The following STK32A variants were observed in gnomAD, a reference collection of about 807,000 sequenced individuals.
STK32A encodes the protein serine/threonine kinase 32A, also known as serine/threonine-protein kinase 32A.
Under a neutral mutation model 53.2 loss-of-function variants are expected in STK32A, and 41 were observed. That is an observed-to-expected ratio of 0.77 (90% CI 0.60 to 1.00). The LOEUF (loss-of-function observed/expected upper bound fraction) is 1.00, where lower values mean the gene tolerates loss of function less well. STK32A is among the 50% of genes least tolerant of loss of function. The pLI is 0.00. For missense variants in STK32A, 458 were observed against 485.8 expected, an observed-to-expected ratio of 0.94 and a Z score of 0.54; for synonymous variants, 166 against 162.8, an observed-to-expected ratio of 1.02 and a Z score of -0.15.
chr5:147,400,549 C>T, the STK32A span: 3 of 1,139,378 alleles, frequency 2.6e-6, no homozygotes, highest in South Asian at 1.8e-5. Flanking sequence ...ACTGCCAGAG[C>T]CACATGGTTC....
chr5:147,395,278 C>T, the STK32A span, among the ~76,000 whole-genome samples: 1 of 152,200 alleles, frequency 6.6e-6, no homozygotes, highest in African/African-American at 2.4e-5. Flanking sequence ...AGGGGACCAG[C>T]TCCCCGACCC....
chr5:147,318,495 T>C (rs1436987405), intron 4 of STK32A, among the ~76,000 whole-genome samples: 1 of 151,910 alleles, frequency 6.6e-6, no homozygotes, highest in Non-Finnish European at 1.5e-5. Context: ...AAGGGTGTGG[T>C]GGCTCTTGTC....
chr5:147,247,505 A>C (rs971118504), intron 2 of STK32A, among the ~76,000 whole-genome samples: 4 of 152,234 alleles, frequency 2.6e-5, no homozygotes, highest in African/African-American at 9.6e-5. Context: ...TATTTATAGT[A>C]AAATAAACAA....
At chr5:147,281,604 T>C (rs576042257) in intron 4 of STK32A, among the ~76,000 whole-genome samples, 1 of 151,636 alleles carries the variant, frequency 6.6e-6, no homozygotes, top group Admixed American at 6.6e-5. Flanking sequence ...AGAAGTCTGA[T>C]ATTATGTTAA....
rs115697244 is a variant in STK32A, at chr5:147,363,703, T to G, written c.660+2089T>G. On this transcript the variant is annotated intron_variant, in intron 8 of 12. Coordinates refer to ENST00000397936, the MANE Select transcript of STK32A (RefSeq NM_001112724.2). ...GCATCTGCTAGTATAATCCCATCTT[T>G]ATTTCTAGCTTCTGTTGTGATAACT... 3.2e-3 allele frequency among the ~76,000 whole-genome samples: 492 copies of G among 152,342 alleles called. 3 individuals carry two copies. Among genetic ancestry groups the G allele is most frequent in the Non-Finnish European group, 6.0e-3 (409 of 68,028 alleles).
intron 2 of STK32A, among the ~76,000 whole-genome samples, chr5:147,242,236 G>T (rs182787795): frequency 1.5e-3 from 221 of 152,232 alleles, no homozygotes; most frequent in South Asian, 2.7e-3. Context: ...TCCCAAAGGT[G>T]CTAGGCTCTC....
chr5:147,337,627 A>G (rs1350766048), intron 5 of STK32A, among the ~76,000 whole-genome samples: 1 of 152,018 alleles, frequency 6.6e-6, no homozygotes, highest in African/African-American at 2.4e-5. Context: ...ATTCTTGGGT[A>G]CTTTTATGAG....
chr5:147,372,149 G>A (rs1757027917), intron 9 of STK32A, among the ~76,000 whole-genome samples: 1 of 151,358 alleles, frequency 6.6e-6, no homozygotes, highest in South Asian at 2.1e-4. Flanking sequence ...GCTTTCATCA[G>A]ATTTTCAAGG....
chr5:147,336,734 T>C (rs1456993909), intron 5 of STK32A, among the ~76,000 whole-genome samples: 1 of 152,174 alleles, frequency 6.6e-6, no homozygotes, highest in Non-Finnish European at 1.5e-5. Context: ...TTTTTCCTTA[T>C]AATTTTCCCT....
chr5:147,400,837 G>A, the STK32A span: 3 of 1,612,950 alleles, frequency 1.9e-6, no homozygotes, highest in Non-Finnish European at 2.5e-6. Flanking sequence ...ATCCCCGCTG[G>A]CAAAGGAGAA....
At chr5:147,367,315 C>T (rs1203106668) in intron 8 of STK32A, among the ~76,000 whole-genome samples, 2 of 152,292 alleles carry the variant, frequency 1.3e-5, no homozygotes, top group East Asian at 1.9e-4. Flanking sequence ...ATCCACCTGC[C>T]TTGGCCCTGC....
chr5:147,249,193 A>G (rs1486467966), intron 2 of STK32A, among the ~76,000 whole-genome samples: 1 of 152,134 alleles, frequency 6.6e-6, no homozygotes, highest in African/African-American at 2.4e-5. Context: ...CTTAGTATTT[A>G]TGGATTGTGG....
At chr5:147,396,505 G>A in the STK32A span, among the ~76,000 whole-genome samples, 1 of 152,216 alleles carries the variant, frequency 6.6e-6, no homozygotes, top group African/African-American at 2.4e-5. Flanking sequence ...AGGACGCGCT[G>A]CCAGAGGAGC....
intron 2 of STK32A, among the ~76,000 whole-genome samples, chr5:147,243,036 C>G (rs939286514): frequency 1.3e-5 from 2 of 151,986 alleles, no homozygotes; most frequent in African/African-American, 4.8e-5. Context: ...GTATCAAGGG[C>G]ACTAAAATGA....
chr5:147,307,275 C>T (rs1753454906), intron 4 of STK32A, among the ~76,000 whole-genome samples: 1 of 151,624 alleles, frequency 6.6e-6, no homozygotes, highest in African/African-American at 2.4e-5. Flanking sequence ...TAATGTGGTA[C>T]AATTTATCAA....
intron 6 of STK32A, among the ~76,000 whole-genome samples, chr5:147,347,878 G>A (rs1458681418): frequency 6.6e-6 from 1 of 152,196 alleles, no homozygotes; most frequent in African/African-American, 2.4e-5. Context: ...AGCACTCTGT[G>A]AAGTTCTGCC....
intron 2 of STK32A, among the ~76,000 whole-genome samples, chr5:147,256,738 C>G (rs1421472238): frequency 3.3e-5 from 5 of 152,092 alleles, no homozygotes; most frequent in Non-Finnish European, 7.3e-5. Flanking sequence ...TCTTGAACTC[C>G]CAACCTCAGG....
At chr5:147,344,170 A>T (rs1309920836) in intron 6 of STK32A, among the ~76,000 whole-genome samples, 2 of 152,180 alleles carry the variant, frequency 1.3e-5, no homozygotes, top group Admixed American at 6.5e-5. Flanking sequence ...TTTTACAAAA[A>T]GGATTTGCAA....
At chr5:147,264,488 T>C (rs1308090672) in intron 2 of STK32A, among the ~76,000 whole-genome samples, 1 of 152,226 alleles carries the variant, frequency 6.6e-6, no homozygotes, top group African/African-American at 2.4e-5. Flanking sequence ...ACAAGACTGT[T>C]ACTAATTCCA....
Sources: gnomAD v4.1 joint callset for allele counts (sites outside exome capture counted in the v4.1 genomes callset) on GRCh38, gnomAD v4.1.1 for gene constraint, MANE v1.5 for transcripts, NCBI Gene and HGNC (gene_info 2026-07-23, HGNC 2026-07-21) for gene names.